The following CDH15 variants were observed in gnomAD, a reference collection of about 807,000 sequenced individuals.
CDH15 encodes the protein cadherin 15.
Under a neutral mutation model 69.4 loss-of-function variants are expected in CDH15, and 73 were observed. The observed-to-expected ratio is 1.05, with a 90% CI of 0.87 to 1.28. The LOEUF (loss-of-function observed/expected upper bound fraction) is 1.28, where lower values mean the gene tolerates loss of function less well. CDH15 is among the 50% of genes most tolerant of loss of function. The pLI is 0.00. For synonymous variants in CDH15, 624 were observed against 507.7 expected, an observed-to-expected ratio of 1.23 and a Z score of -3.08; for missense variants, 1,343 against 1,133.6, an observed-to-expected ratio of 1.18 and a Z score of -2.65.
intron 5 of CDH15, 46 bp downstream of exon 5, chr16:89,185,379 C>A: frequency 1.3e-6 from 2 of 1,553,498 alleles, no homozygotes; most frequent in Non-Finnish European, 1.7e-6. Flanking sequence ...GCCAGGGCAG[C>A]CCATCTCCTG....
At position 89,191,898 on chromosome 16, in the gene CDH15, C is replaced by T. The variant is rs763812014; in HGVS notation, c.1615+4C>T. ...TGGAGCCTCAGCCAGGTCAACGGTG[C>T]GCTCCCCTCACCGCCGCGCTCCCCC... On this transcript the variant is annotated splice_donor_region_variant and intron_variant, in intron 10 of 13. Coordinates refer to ENST00000289746, the MANE Select transcript of CDH15 (RefSeq NM_004933.3). The T allele has an allele frequency of 2.6e-5, 40 of 1,556,588 alleles. No homozygotes were observed. The highest frequency in any genetic ancestry group is 9.3e-5 in the South Asian group (8 of 85,782).
intron 5 of CDH15, chr16:89,185,784 A>C: frequency 7.9e-6 from 2 of 251,836 alleles, no homozygotes; most frequent in Non-Finnish European, 1.6e-5. Flanking sequence ...CCTGCCACTA[A>C]CCACGGTTCC....
chr16:89,185,154 G>A lies in CDH15; in HGVS notation c.503-19G>A, dbSNP rs202032800. The A allele has an allele frequency of 1.2e-5, 19 of 1,579,530 alleles. No homozygotes were observed. Among genetic ancestry groups the A allele is most frequent in the East Asian group, 4.6e-5 (2 of 43,460 alleles). On this transcript the variant is annotated intron_variant, in intron 4 of 13. Coordinates refer to ENST00000289746, the MANE Select transcript of CDH15 (RefSeq NM_004933.3). Reference sequence around the variant, plus strand: ...CGGCCCTGTGGACGTTGGCCCTCACGCCTCCCTGTGCTTCCCAGGCACCTA... The same window carrying A: ...CGGCCCTGTGGACGTTGGCCCTCACACCTCCCTGTGCTTCCCAGGCACCTA...
chr16:89,187,671 G>T, intron 6 of CDH15, 114 bp downstream of exon 6: 1 of 1,467,332 alleles, frequency 6.8e-7, no homozygotes, highest in South Asian at 1.2e-5. Flanking sequence ...GGTGTGCTTT[G>T]GAGAAGGAAC....
intron 1 of CDH15, among the ~76,000 whole-genome samples, chr16:89,178,617 C>G (rs1915308304): frequency 6.6e-6 from 1 of 152,044 alleles, no homozygotes; most frequent in African/African-American, 2.4e-5. Context: ...GAACCCGCAC[C>G]ACCAGCGTTG....
intron 13 of CDH15, 89 bp from the exon 14 acceptor site, chr16:89,194,773 T>C (rs1915758408): frequency 2.2e-6 from 3 of 1,348,008 alleles, no homozygotes; most frequent in East Asian, 5.0e-5. Flanking sequence ...GCCCGTGCCT[T>C]GAGCTGACTT....
intron 5 of CDH15, chr16:89,185,831 G>A: frequency 4.0e-6 from 1 of 248,698 alleles, no homozygotes; most frequent in East Asian, 1.1e-4. Context: ...TGTGCTAGGT[G>A]CCCAGCACAG....
Position 89,187,577 on chromosome 16 carries a change from C to T in CDH15, c.792+20C>T, listed in dbSNP as rs1915518607. Reference sequence around the variant, plus strand: ...GATGAGGTGCTGCTGCTGTCCCTCCCTCGAAAGTAGCCCCTGCTTAGAGCT... The same window carrying T: ...GATGAGGTGCTGCTGCTGTCCCTCCTTCGAAAGTAGCCCCTGCTTAGAGCT... On this transcript the variant is annotated intron_variant, in intron 6 of 13. Transcript: ENST00000289746. 6.2e-7 allele frequency: 1 copy of T among 1,613,010 alleles called. No homozygotes were observed. Among genetic ancestry groups the T allele is most frequent in the African/African-American group, 1.3e-5 (1 of 74,956 alleles).
intron 10 of CDH15, 144 bp from the exon 11 acceptor site, chr16:89,192,061 T>TA (rs1217847510): frequency 9.0e-6 from 11 of 1,218,234 alleles, no homozygotes; most frequent in Non-Finnish European, 1.2e-5. Context: ...GGGGCAGGGT[T>TA]ACTCATTGTG....
rs370640367 is a variant in CDH15 at position 89,175,636 on chromosome 16, T to G, written c.42+3763T>G. ...CAGACCCTGTGCCCACCGAGGCTGA[T>G]GAAGGCCCCATGCTGGGCAGGCAGG... is the stretch of plus-strand genomic sequence containing the variant. On this transcript the variant is annotated intron_variant, in intron 1 of 13. Coordinates refer to ENST00000289746, the MANE Select transcript of CDH15 (RefSeq NM_004933.3). 6.6e-5 allele frequency among the ~76,000 whole-genome samples: 10 copies of G among 152,126 alleles called. No individual in the cohort carries two copies. In the East Asian group the frequency reaches 1.7e-3, roughly 26 times the overall value.
At chr16:89,180,974 C>CTTTTTTTTTTT (rs770080908) in intron 3 of CDH15, among the ~76,000 whole-genome samples, 4 of 96,982 alleles carry the variant, frequency 4.1e-5, no homozygotes, top group South Asian at 3.9e-4. Flanking sequence ...CGCGCCCGAC[C>CTTTTTTTTTTT]TTTTTTTTTT....
rs1308350795 is a variant in CDH15, at chr16:89,171,790, G to T, written c.-42G>T. The T allele has an allele frequency of 6.5e-7, 1 of 1,539,726 alleles. No homozygotes were observed. On this transcript the variant is annotated 5_prime_UTR_variant, in exon 1 of 14. Coordinates refer to ENST00000289746, the MANE Select transcript of CDH15 (RefSeq NM_004933.3). ...TCACTCAGCCTGGACGCGCTTCTTCGGGTCGCGGGTGCACTCCGGCCCGGC... is the reference window on the plus strand; with the variant it reads ...TCACTCAGCCTGGACGCGCTTCTTCTGGTCGCGGGTGCACTCCGGCCCGGC...
intron 1 of CDH15, among the ~76,000 whole-genome samples, chr16:89,173,546 A>C (rs1375026564): frequency 2.0e-5 from 3 of 152,104 alleles, no homozygotes; most frequent in Non-Finnish European, 4.4e-5. Flanking sequence ...CAAGGGGACT[A>C]TCGCCAAGGC....
rs371395687 is a variant in CDH15 at position 89,191,351 on chromosome 16, G to A, written c.1254G>A (p.Pro418=). Residue 418 remains proline, a synonymous_variant, in exon 9 of 14, where the codon CCG becomes CCA. Coordinates refer to ENST00000289746, the MANE Select transcript of CDH15 (RefSeq NM_004933.3). ...TCAGCTACTCCAAGGACTACGACCCGGAAGACTGGCTGCAAGTGGACGCAG... is the reference window on the plus strand; with the variant it reads ...TCAGCTACTCCAAGGACTACGACCCAGAAGACTGGCTGCAAGTGGACGCAG... ...QRLSYSKDYD[P]EDWLQVDAAT... 17 of 1,612,666 alleles carry A rather than the reference G, an allele frequency of 1.1e-5. No individual in the cohort carries two copies. Among genetic ancestry groups the A allele is most frequent in the Admixed American group, 1.7e-5 (1 of 59,988 alleles).
rs1380142498 is a variant in CDH15, at chr16:89,192,194, G to A, written c.1616-11G>A. The A allele has an allele frequency of 2.6e-6, 4 of 1,528,058 alleles. No individual in the cohort carries two copies. The highest frequency in any genetic ancestry group is 2.0e-5 in the Admixed American group (1 of 50,604). 94.7% of individuals were successfully genotyped at this position (1,528,058 alleles called of 1,614,324 possible). A position where few individuals can be genotyped will look rare whatever the true frequency, so the allele number is the denominator to read the frequency against. On this transcript the variant is annotated splice_polypyrimidine_tract_variant and intron_variant, in intron 10 of 13. Transcript: ENST00000289746. ...CGGGAGGCCCTCGCTCACCACAGGC[G>A]CCCTCCGCAGTGAGCCACGCGCGCC...
chr16:89,194,860 A>G lies in CDH15; in HGVS notation c.2152-2A>G, dbSNP rs1915762277. The G allele has an allele frequency of 6.2e-7, 1 of 1,601,014 alleles. No individual in the cohort carries two copies. Among genetic ancestry groups the G allele is most frequent in the African/African-American group, 1.3e-5 (1 of 74,772 alleles). On this transcript the variant is annotated splice_acceptor_variant, in intron 13 of 13. Coordinates refer to ENST00000289746, the MANE Select transcript of CDH15 (RefSeq NM_004933.3). LOFTEE classifies it high-confidence loss of function. ...TCTTGAGCTCTCCGGGCCTCTTTATAGGGCTTGGAGGCTGCAGATAGTGAC... is the reference window on the plus strand; with the variant it reads ...TCTTGAGCTCTCCGGGCCTCTTTATGGGGCTTGGAGGCTGCAGATAGTGAC...
intron 11 of CDH15, 125 bp from the exon 12 acceptor site, chr16:89,193,345 C>T: frequency 3.6e-6 from 2 of 561,370 alleles, no homozygotes; most frequent in East Asian, 3.9e-5. Flanking sequence ...ACTGCCGCCC[C>T]CTCAACCCCA....
In CDH15 at chr16:89,195,029, C is replaced by T. The variant is rs768569547; in HGVS notation, c.2319C>T (p.Phe773=). 36 of 1,612,286 alleles carry T rather than the reference C, an allele frequency of 2.2e-5. No homozygotes were observed. Among genetic ancestry groups the T allele is most frequent in the South Asian group, 5.5e-5 (5 of 91,052 alleles). ...YDYLRDWGPR[F]ARLADMYGHP... The stretch of plus-strand genomic sequence containing the variant: ...ACCTCAGAGACTGGGGGCCCCGCTT[C>T]GCCCGGCTGGCAGACATGTATGGGC... The change falls in exon 14 of 14, where the codon TTC becomes TTT. Residue 773 remains phenylalanine, a synonymous_variant. Transcript: ENST00000289746.
At chr16:89,183,283 C>G in intron 3 of CDH15, 1 of 489,132 alleles carries the variant, frequency 2.0e-6, no homozygotes, top group South Asian at 2.7e-5. Flanking sequence ...TTACTTTAGT[C>G]ACACGTGAAG....
Sources: gnomAD v4.1 joint callset for allele counts (sites outside exome capture counted in the v4.1 genomes callset) on GRCh38, gnomAD v4.1.1 for gene constraint, MANE v1.5 for transcripts, NCBI Gene and HGNC (gene_info 2026-07-23, HGNC 2026-07-21) for gene names.